Variants in ADAMTS18 observed in about 807,000 individuals in gnomAD.
ADAMTS18 encodes ADAM metallopeptidase with thrombospondin type 1 motif 18.
A neutral mutation model predicts 165.9 loss-of-function variants in ADAMTS18; 157 were observed. That is an observed-to-expected ratio of 0.95 (90% CI 0.83 to 1.08). ADAMTS18 has a LOEUF of 1.08. Ranked by LOEUF, ADAMTS18 falls within the 50% of genes least tolerant of loss-of-function variation. The pLI is 0.00. For synonymous variants in ADAMTS18, 782 were observed against 578.2 expected (o/e 1.35, Z -5.06); for missense variants, 2,040 against 1,534.0 (o/e 1.33, Z -5.51).
chr16:77,422,015 G>A (rs148532248), intron 3 of ADAMTS18, among the ~76,000 whole-genome samples: 58 of 152,250 alleles, frequency 3.8e-4, no homozygotes, highest in South Asian at 6.2e-4. Context: ...TGCAATTTAT[G>A]TATGTTTTAA....
Position 77,363,792 on chromosome 16 carries a change from T to A in ADAMTS18, c.1056+10A>T. 1 of 1,612,788 alleles carries A rather than the reference T, an allele frequency of 6.2e-7. No individual in the cohort carries two copies. Among genetic ancestry groups the A allele is most frequent in the Non-Finnish European group, 8.5e-7 (1 of 1,178,914 alleles). On this transcript the variant is annotated intron_variant, in intron 6 of 22. Coordinates refer to ENST00000282849, the MANE Select transcript of ADAMTS18 (RefSeq NM_199355.4). Reference sequence around the variant, plus strand: ...ACTGAATGAAGACATAAATGAAGTTTGCCACTTACAGGTTCTTGTTCCAGA... The same window carrying A: ...ACTGAATGAAGACATAAATGAAGTTAGCCACTTACAGGTTCTTGTTCCAGA...
intron 10 of ADAMTS18, among the ~76,000 whole-genome samples, chr16:77,349,920 A>G (rs1300461421): frequency 6.6e-6 from 1 of 152,244 alleles, no homozygotes; most frequent in Non-Finnish European, 1.5e-5. Context: ...AATAAACATT[A>G]AAACTGAGCT....
chr16:77,367,556 G>A lies in ADAMTS18; in HGVS notation c.663C>T (p.Gly221=). 6.2e-7 allele frequency: 1 copy of A among 1,614,224 alleles called. No homozygotes were observed. ...IQRYRGYPGS[G]RNYPGYSPSH... Reference sequence around the variant, plus strand: ...TTGGGGAGTAACCAGGATAATTCCGGCCAGAGCCGGGGTAGCCACGGTACC... The same window carrying A: ...TTGGGGAGTAACCAGGATAATTCCGACCAGAGCCGGGGTAGCCACGGTACC... Residue 221 remains glycine, a synonymous_variant, in exon 4 of 23, where the codon GGC becomes GGT. Transcript: ENST00000282849.
chr16:77,383,217 T>C (rs1012336427), intron 3 of ADAMTS18, among the ~76,000 whole-genome samples: 1 of 152,092 alleles, frequency 6.6e-6, no homozygotes, highest in Non-Finnish European at 1.5e-5. Context: ...TGCTCCAGAG[T>C]TGTTTTTTCC....
In ADAMTS18 at chr16:77,392,705, G is replaced by A. The variant is rs116686738; in HGVS notation, c.496-24982C>T. On this transcript the variant is annotated intron_variant, in intron 3 of 22. Transcript: ENST00000282849. ...CTGTTCCTAGCATAGGGTAGACGTCGTAAATATTGGTTGAATAAATGAGTG... is the reference window on the plus strand; with the variant it reads ...CTGTTCCTAGCATAGGGTAGACGTCATAAATATTGGTTGAATAAATGAGTG... Among the ~76,000 whole-genome samples the A allele has an allele frequency of 7.7e-3, 1,173 of 152,168 alleles. 15 individuals are homozygous for A. The highest frequency in any genetic ancestry group is 0.026 in the African/African-American group (1,099 of 41,508).
chr16:77,320,946 A>G, intron 15 of ADAMTS18, 133 bp downstream of exon 15: 1 of 1,131,360 alleles, frequency 8.8e-7, no homozygotes, highest in Non-Finnish European at 1.3e-6. Flanking sequence ...ACTCTTGCAC[A>G]AGTGAAAAAT....
chr16:77,344,064 A>C (rs893440058), intron 10 of ADAMTS18, among the ~76,000 whole-genome samples: 7 of 151,122 alleles, frequency 4.6e-5, no homozygotes, highest in Non-Finnish European at 7.4e-5. Context: ...CACTCAAAAA[A>C]AAAAGCTTTC....
rs114107986 is a variant in ADAMTS18 at position 77,431,797 on chromosome 16, C to G, written c.179-186G>C. 231 of 655,400 alleles carry G rather than the reference C, an allele frequency of 3.5e-4. 3 individuals carry two copies. The African/African-American group carries it at 4.0e-3, about 11-fold the overall frequency. 40.6% of individuals were successfully genotyped at this position (655,400 alleles called of 1,614,324 possible). ...AGACCTGTCTCTACAACTAACTCGG[C>G]CACAGTCATTTCTACAGGTGCCCGA... On this transcript the variant is annotated intron_variant, in intron 2 of 22. Transcript: ENST00000282849.
At chr16:77,406,950 A>T (rs1331885157) in intron 3 of ADAMTS18, among the ~76,000 whole-genome samples, 1 of 152,052 alleles carries the variant, frequency 6.6e-6, no homozygotes, top group Non-Finnish European at 1.5e-5. Flanking sequence ...AGGGAGAGGA[A>T]GGGAGAAGAG....
chr16:77,356,164 C>G, intron 8 of ADAMTS18, 87 bp from the exon 9 acceptor site: 2 of 1,563,480 alleles, frequency 1.3e-6, no homozygotes, highest in Non-Finnish European at 1.8e-6. Flanking sequence ...ATGTATTGAT[C>G]ATCAACAAAA....
rs141288349 is a variant in ADAMTS18 at position 77,423,933 on chromosome 16, T to C, written c.495+7362A>G. On this transcript the variant is annotated intron_variant, in intron 3 of 22. Transcript: ENST00000282849. ...AGAGAGAATATGTGTGTGTTGTGGG[T>C]GACTTCAATGGCCATTTCCTTCCCA... Among the ~76,000 whole-genome samples the C allele has an allele frequency of 2.0e-3, 302 of 152,248 alleles. 2 individuals carry two copies. The highest frequency in any genetic ancestry group is 6.8e-3 in the African/African-American group (282 of 41,546).
chr16:77,347,979 A>G (rs2056501994), intron 10 of ADAMTS18, among the ~76,000 whole-genome samples: 1 of 152,162 alleles, frequency 6.6e-6, no homozygotes, highest in Non-Finnish European at 1.5e-5. Context: ...TGCTTAAAGT[A>G]CTATCTGATA....
intron 13 of ADAMTS18, among the ~76,000 whole-genome samples, chr16:77,323,325 A>T (rs1180416098): frequency 6.6e-6 from 1 of 152,162 alleles, no homozygotes; most frequent in Non-Finnish European, 1.5e-5. Flanking sequence ...TGCTTCATAA[A>T]ACCTCTCAAT....
intron 3 of ADAMTS18, among the ~76,000 whole-genome samples, chr16:77,376,561 C>T (rs1202634850): frequency 6.6e-6 from 1 of 152,208 alleles, no homozygotes; most frequent in Non-Finnish European, 1.5e-5. Context: ...GCGCCCGCTA[C>T]TGGACTCTGT....
chr16:77,325,743 G>A (rs1235149918), intron 13 of ADAMTS18, 123 bp downstream of exon 13: 1 of 959,394 alleles, frequency 1.0e-6, no homozygotes, highest in Non-Finnish European at 1.5e-6. Flanking sequence ...GAGCCAGGAT[G>A]GGTCTGGGGA....
intron 10 of ADAMTS18, among the ~76,000 whole-genome samples, chr16:77,351,416 T>C (rs1016817623): frequency 6.6e-6 from 1 of 152,198 alleles, no homozygotes; most frequent in Non-Finnish European, 1.5e-5. Context: ...GAAAGCAATC[T>C]ATAATTTAAA....
At chr16:77,305,123 A>AC (rs11432860) in intron 16 of ADAMTS18, among the ~76,000 whole-genome samples, 142,793 of 152,190 alleles carry the variant, frequency 0.94, 67,063 homozygotes, top group African/African-American at 0.96. Context: ...AAGTACCAAG[A>AC]CAAATATATA....
At position 77,384,946 on chromosome 16, in the gene ADAMTS18, G is replaced by C. The variant is rs527786857; in HGVS notation, c.496-17223C>G. Among the ~76,000 whole-genome samples, 227 of 143,410 alleles carry C rather than the reference G, an allele frequency of 1.6e-3. 1 individual carries two copies. Among genetic ancestry groups the C allele is most frequent in the African/African-American group, 5.3e-3 (203 of 38,184 alleles). The allele number at this position is 143,410 out of a possible 152,430, so 94.1% of individuals were successfully genotyped here. A position where few individuals can be genotyped will look rare whatever the true frequency, so the allele number is the denominator to read the frequency against. On this transcript the variant is annotated intron_variant, in intron 3 of 22. Coordinates refer to ENST00000282849, the MANE Select transcript of ADAMTS18 (RefSeq NM_199355.4). ...TTTTTCTGAGACAGAGTCTTGTTCT[G>C]TTGCCCAAGCTGGAATGCAGTGGAA...
At chr16:77,323,727 G>A (rs904068736) in intron 13 of ADAMTS18, among the ~76,000 whole-genome samples, 6 of 152,090 alleles carry the variant, frequency 3.9e-5, no homozygotes, top group African/African-American at 1.4e-4. Flanking sequence ...AGACATTCAA[G>A]TCATGGTCAG....
Sources: allele counts gnomAD v4.1 joint callset (sites outside exome capture counted in the v4.1 genomes callset), GRCh38; gene constraint gnomAD v4.1.1; transcripts MANE v1.5; gene names NCBI Gene and HGNC (gene_info 2026-07-23, HGNC 2026-07-21).